SV2C: variants seen among roughly 807,000 people sequenced by gnomAD.
SV2C encodes the protein solute carrier family 22 member B3.
In SV2C, 49 loss-of-function variants were observed where a neutral mutation model predicts 79.7. The observed-to-expected ratio is 0.61, with a 90% CI of 0.49 to 0.78. The LOEUF (loss-of-function observed/expected upper bound fraction) is 0.78, where lower values mean the gene tolerates loss of function less well. SV2C is among the 30% of genes least tolerant of loss of function. SV2C has a pLI of 0.00. For missense variants in SV2C, 833 were observed against 912.9 expected, an observed-to-expected ratio of 0.91 and a Z score of 1.13; for synonymous variants, 334 against 333.2, an observed-to-expected ratio of 1.00 and a Z score of -0.03.
rs1213855068 is a variant in SV2C at position 76,325,548 on chromosome 5, TG to T, written c.*4del. 2 of 1,612,792 alleles carry T rather than the reference TG, an allele frequency of 1.2e-6. No homozygotes were observed. Among genetic ancestry groups the T allele is most frequent in the South Asian group, 1.1e-5 (1 of 90,862 alleles). ...CACACGAACCCAGGTTCTGATGTAA[TG>T]GGAAAAAAAGCCATCCTTCCTGCGT... On this transcript the variant is annotated 3_prime_UTR_variant, in exon 13 of 13. Coordinates refer to ENST00000502798, the MANE Select transcript of SV2C (RefSeq NM_014979.4).
the SV2C span, among the ~76,000 whole-genome samples, chr5:75,974,787 G>A: frequency 2.6e-5 from 4 of 152,190 alleles, no homozygotes; most frequent in Non-Finnish European, 5.9e-5. Flanking sequence ...GGTTAAAAAT[G>A]TAAATCAATA....
the SV2C span, among the ~76,000 whole-genome samples, chr5:75,933,079 T>G: frequency 2.0e-5 from 3 of 152,172 alleles, no homozygotes; most frequent in Non-Finnish European, 2.9e-5. Flanking sequence ...ATGCAACTGA[T>G]GTTTCCTCTC....
At chr5:76,262,586 C>A (rs953893070) in intron 4 of SV2C, among the ~76,000 whole-genome samples, 1 of 152,230 alleles carries the variant, frequency 6.6e-6, no homozygotes, top group African/African-American at 2.4e-5. Context: ...AAATTTCCCT[C>A]TAAACACTGC....
the SV2C span, among the ~76,000 whole-genome samples, chr5:75,852,740 G>A: frequency 6.6e-6 from 1 of 151,428 alleles, no homozygotes; most frequent in East Asian, 1.9e-4. Context: ...GCAGGAGAAT[G>A]GCGTGAACCC....
intron 2 of SV2C, among the ~76,000 whole-genome samples, chr5:76,143,709 C>G (rs1254134600): frequency 6.6e-6 from 1 of 152,208 alleles, no homozygotes; most frequent in Non-Finnish European, 1.5e-5. Flanking sequence ...CTTGTGCTGG[C>G]TTTCTGCCTT....
intron 2 of SV2C, among the ~76,000 whole-genome samples, chr5:76,134,001 A>G (rs1748987174): frequency 6.6e-6 from 1 of 152,186 alleles, no homozygotes; most frequent in Non-Finnish European, 1.5e-5. Context: ...TGGAAAGACT[A>G]CAGAAAAATC....
At chr5:76,173,138 AC>A (rs923192297) in intron 2 of SV2C, among the ~76,000 whole-genome samples, 6 of 148,704 alleles carry the variant, frequency 4.0e-5, no homozygotes, top group Non-Finnish European at 7.5e-5. Flanking sequence ...AATAATAATG[AC>A]CTTGAATTTC....
At chr5:76,123,672 C>T (rs115994283) in intron 1 of SV2C, among the ~76,000 whole-genome samples, 188 of 152,268 alleles carry the variant, frequency 1.2e-3, no homozygotes, top group Non-Finnish European at 1.4e-3. Flanking sequence ...AGTTCAACAA[C>T]GCTTCATGTC....
At chr5:75,888,974 C>T in the SV2C span, among the ~76,000 whole-genome samples, 37 of 152,200 alleles carry the variant, frequency 2.4e-4, no homozygotes, top group Middle Eastern at 3.4e-3. Flanking sequence ...TCTGAGGCCT[C>T]TCTCCTTGGC....
At chr5:75,912,292 G>A in the SV2C span, among the ~76,000 whole-genome samples, 6 of 152,166 alleles carry the variant, frequency 3.9e-5, no homozygotes, top group African/African-American at 7.2e-5. Flanking sequence ...CCAGAAGAAC[G>A]CATTTTCAGA....
At chr5:75,964,792 T>C in the SV2C span, among the ~76,000 whole-genome samples, 1 of 152,220 alleles carries the variant, frequency 6.6e-6, no homozygotes. Flanking sequence ...TCTTTATTCT[T>C]TTACTACCAT....
chr5:76,250,406 T>G (rs1746078689), intron 4 of SV2C, among the ~76,000 whole-genome samples: 1 of 152,178 alleles, frequency 6.6e-6, no homozygotes, highest in African/African-American at 2.4e-5. Context: ...ACACTGTGGT[T>G]TATTGTTGTT....
chr5:75,899,200 G>T, the SV2C span, among the ~76,000 whole-genome samples: 1 of 152,064 alleles, frequency 6.6e-6, no homozygotes, highest in African/African-American at 2.4e-5. Flanking sequence ...TCTCTTGTGG[G>T]CATTTAGTGC....
At chr5:75,933,388 T>C in the SV2C span, among the ~76,000 whole-genome samples, 1 of 152,210 alleles carries the variant, frequency 6.6e-6, no homozygotes, top group African/African-American at 2.4e-5. Context: ...TGCCAGTTTG[T>C]ATCAATTATA....
At chr5:76,030,691 C>T in the SV2C span, among the ~76,000 whole-genome samples, 2 of 151,648 alleles carry the variant, frequency 1.3e-5, no homozygotes, top group South Asian at 4.2e-4. Flanking sequence ...AATGTGCCTC[C>T]CCGGAGGCTG....
downstream of SV2C, among the ~76,000 whole-genome samples, chr5:76,335,847 C>T (rs1250657641): frequency 6.6e-6 from 1 of 152,210 alleles, no homozygotes; most frequent in South Asian, 2.1e-4. Flanking sequence ...GGCAACCATC[C>T]GATTTCTCAA....
chr5:76,076,992 T>C, the SV2C span, among the ~76,000 whole-genome samples: 1 of 152,192 alleles, frequency 6.6e-6, no homozygotes, highest in Non-Finnish European at 1.5e-5. Context: ...CATATTACTA[T>C]CAAACATCTC....
At chr5:75,895,180 G>C in the SV2C span, among the ~76,000 whole-genome samples, 3 of 152,040 alleles carry the variant, frequency 2.0e-5, no homozygotes, top group African/African-American at 7.2e-5. Context: ...CCTGGAAAGA[G>C]AAAAATATCT....
intron 1 of SV2C, among the ~76,000 whole-genome samples, chr5:76,095,128 A>T (rs1054101867): frequency 6.6e-6 from 1 of 151,966 alleles, no homozygotes; most frequent in Non-Finnish European, 1.5e-5. Context: ...GTTTAAAATG[A>T]AATATATAGT....
Sources: allele counts gnomAD v4.1 joint callset (sites outside exome capture counted in the v4.1 genomes callset), GRCh38; gene constraint gnomAD v4.1.1; transcripts MANE v1.5; gene names NCBI Gene and HGNC (gene_info 2026-07-23, HGNC 2026-07-21).